The following CFAP61 variants were observed in gnomAD, a reference collection of about 807,000 sequenced individuals.
CFAP61 encodes cilia- and flagella-associated protein 61.
In CFAP61, 107 loss-of-function variants were observed where a neutral mutation model predicts 135.6. The observed-to-expected ratio is 0.79, with a 90% CI of 0.67 to 0.93. The LOEUF is 0.93. CFAP61 is among the 40% of genes least tolerant of loss of function. The probability of loss-of-function intolerance (pLI) is 0.00; values close to 1 mark genes in which losing one functional copy is unlikely to be tolerated. For missense variants in CFAP61, 1,507 were observed against 1,556.2 expected, an observed-to-expected ratio of 0.97 and a Z score of 0.53; for synonymous variants, 575 against 578.5, an observed-to-expected ratio of 0.99 and a Z score of 0.09.
chr20:20,310,643 T>A (rs535772651), intron 25 of CFAP61, among the ~76,000 whole-genome samples: 17 of 152,192 alleles, frequency 1.1e-4, no homozygotes, highest in Admixed American at 5.2e-4. Flanking sequence ...CCACGAAAAA[T>A]TCAGAAAATG....
At position 20,298,399 on chromosome 20, in the gene CFAP61, T is replaced by C. The variant is rs371874712; in HGVS notation, c.3422+13T>C. On this transcript the variant is annotated intron_variant, in intron 25 of 26. Transcript: ENST00000245957. ...CAGATCTCTATAGGTGAGTTGGACA[T>C]TGCATTTGACTACAGGGAAATACAA... is the stretch of plus-strand genomic sequence containing the variant. The C allele has an allele frequency of 6.5e-5, 104 of 1,604,108 alleles. No individual in the cohort carries two copies. Among genetic ancestry groups the C allele is most frequent in the Non-Finnish European group, 8.2e-5 (96 of 1,171,200 alleles).
intron 2 of CFAP61, among the ~76,000 whole-genome samples, chr20:20,058,240 T>TA (rs2146535629): frequency 6.6e-6 from 1 of 151,626 alleles, no homozygotes; most frequent in East Asian, 2.0e-4. Context: ...GCCTAAAAAA[T>TA]AGATATACCA....
Position 20,075,613 on chromosome 20 carries a change from C to G in CFAP61, c.564C>G (p.Ala188=). 1 of 1,614,054 alleles carries G rather than the reference C, an allele frequency of 6.2e-7. No homozygotes were observed. Among genetic ancestry groups the G allele is most frequent in the South Asian group, 1.1e-5 (1 of 91,076 alleles). ...SHYPQLHVRK[A]RVEDHDDLMP... is the part of the protein sequence containing the mutation. Reference sequence around the variant, plus strand: ...ATCCTCAGCTGCACGTTCGCAAAGCCAGGTACAGTTGGAGTCATGCCTTGT... The same window carrying G: ...ATCCTCAGCTGCACGTTCGCAAAGCGAGGTACAGTTGGAGTCATGCCTTGT... The change falls in exon 6 of 27, where the codon GCC becomes GCG. Residue 188 remains alanine, a splice_region_variant and synonymous_variant. Coordinates refer to ENST00000245957, the MANE Select transcript of CFAP61 (RefSeq NM_015585.4).
In CFAP61 at chr20:20,195,041, G is replaced by A. The variant is rs147282246; in HGVS notation, c.1591-1529G>A. ...CTTATCACTCATTTTATTTTATAAT[G>A]AGAGATGCCTCCTTGGTAATTAAAG... On this transcript the variant is annotated intron_variant, in intron 15 of 26. Coordinates refer to ENST00000245957, the MANE Select transcript of CFAP61 (RefSeq NM_015585.4). Among the ~76,000 whole-genome samples, 316 of 152,216 alleles carry A rather than the reference G, an allele frequency of 2.1e-3. 2 individuals carry two copies. Among genetic ancestry groups the A allele is most frequent in the African/African-American group, 7.2e-3 (300 of 41,522 alleles).
intron 23 of CFAP61, 42 bp downstream of exon 23, chr20:20,288,978 TAGGTATGGCTC>T: frequency 6.6e-7 from 1 of 1,523,018 alleles, no homozygotes; most frequent in Non-Finnish European, 9.0e-7. Context: ...AGCCACAGAT[TAGGTATGGCTC>T]AGCAGTCAGG....
At position 20,298,359 on chromosome 20, in the gene CFAP61, A is replaced by G; in HGVS notation, c.3395A>G (p.Asp1132Gly). 3 of 1,614,148 alleles carry G rather than the reference A, an allele frequency of 1.9e-6. No homozygotes were observed. Among genetic ancestry groups the G allele is most frequent in the Non-Finnish European group, 2.5e-6 (3 of 1,180,006 alleles). The change falls in exon 25 of 27, where the codon GAT becomes GGT. Residue 1132 changes from aspartate to glycine, a missense_variant. By Grantham distance (94) the Asp-to-Gly change is moderately conservative. Coordinates refer to ENST00000245957, the MANE Select transcript of CFAP61 (RefSeq NM_015585.4). The stretch of plus-strand genomic sequence containing the variant: ...CTCAACAACCTGTGTGCTCGGTACG[A>G]TGAAAACCTGATCACAGATCTCTAT... The part of the protein sequence containing the change: ...QLLNNLCARY[D>G]ENLITDLYSY...
chr20:20,331,249 C>G (rs2057980149), intron 25 of CFAP61, among the ~76,000 whole-genome samples: 1 of 152,092 alleles, frequency 6.6e-6, no homozygotes, highest in Non-Finnish European at 1.5e-5. Context: ...GATTCCTGCA[C>G]TCTTCTGTGG....
chr20:20,118,273 C>G (rs1373832250), intron 8 of CFAP61, among the ~76,000 whole-genome samples: 45 of 131,244 alleles, frequency 3.4e-4, no homozygotes, highest in African/African-American at 1.2e-3. Flanking sequence ...TTCTTTCTTT[C>G]TTTCTTTCTT....
At chr20:20,123,179 C>T (rs1003938358) in intron 8 of CFAP61, among the ~76,000 whole-genome samples, 1 of 151,330 alleles carries the variant, frequency 6.6e-6, no homozygotes, top group African/African-American at 2.4e-5. Flanking sequence ...AGTCCTTTGT[C>T]AGATGTACAG....
intron 12 of CFAP61, among the ~76,000 whole-genome samples, chr20:20,168,449 T>TAA (rs1342380770): frequency 6.6e-6 from 1 of 152,230 alleles, no homozygotes; most frequent in Non-Finnish European, 1.5e-5. Context: ...CTTTGAAATC[T>TAA]AATATATATT....
intron 9 of CFAP61, among the ~76,000 whole-genome samples, chr20:20,152,676 T>C (rs992072215): frequency 6.6e-6 from 1 of 151,316 alleles, no homozygotes; most frequent in African/African-American, 2.4e-5. Flanking sequence ...AATACCCCAA[T>C]CCTAAATATA....
chr20:20,169,541 A>G, intron 13 of CFAP61, 81 bp downstream of exon 13: 1 of 1,167,014 alleles, frequency 8.6e-7, no homozygotes, highest in Non-Finnish European at 1.1e-6. Context: ...TGCTATTATA[A>G]TTTAATAATT....
chr20:20,336,889 T>C (rs1211611034), intron 25 of CFAP61, among the ~76,000 whole-genome samples: 1 of 152,098 alleles, frequency 6.6e-6, no homozygotes, highest in Admixed American at 6.5e-5. Context: ...GCTCTGACAT[T>C]CTCCACCCCC....
intron 26 of CFAP61, among the ~76,000 whole-genome samples, chr20:20,355,068 T>TGGTCACACTGTGAGAGGGAAGGG (rs2059026782): frequency 1.1e-5 from 1 of 90,780 alleles, no homozygotes; most frequent in African/African-American, 4.5e-5. Flanking sequence ...AGAGGGAAGG[T>TGGTCACACTGTGAGAGGGAAGGG]GGTCACACTG....
intron 10 of CFAP61, among the ~76,000 whole-genome samples, chr20:20,162,253 C>T (rs1461763089): frequency 6.6e-6 from 1 of 152,152 alleles, no homozygotes; most frequent in Non-Finnish European, 1.5e-5. Context: ...AGGAGCATCT[C>T]CTCATCATAG....
At chr20:20,080,732 A>G (rs1015478203) in intron 6 of CFAP61, among the ~76,000 whole-genome samples, 18 of 152,208 alleles carry the variant, frequency 1.2e-4, no homozygotes, top group African/African-American at 4.1e-4. Flanking sequence ...GGCCGGGCAC[A>G]GTGGTTCACA....
chr20:20,336,746 G>A (rs1205593834), intron 25 of CFAP61, among the ~76,000 whole-genome samples: 1 of 152,174 alleles, frequency 6.6e-6, no homozygotes, highest in East Asian at 1.9e-4. Flanking sequence ...GTAGCCTAGG[G>A]ATGAAGCTGC....
chr20:20,162,351 T>TAGTACCTGTA (rs2146804622), intron 10 of CFAP61, among the ~76,000 whole-genome samples: 1 of 152,310 alleles, frequency 6.6e-6, no homozygotes, highest in South Asian at 2.1e-4. Flanking sequence ...CTGTAACATC[T>TAGTACCTGTA]TTGGGGACCA....
chr20:20,343,443 T>A (rs185121756), intron 26 of CFAP61, among the ~76,000 whole-genome samples: 1 of 152,186 alleles, frequency 6.6e-6, no homozygotes, highest in East Asian at 1.9e-4. Flanking sequence ...CTGAGGGAAG[T>A]GGAGGGCTGG....
Sources: gnomAD v4.1 joint callset for allele counts (sites outside exome capture counted in the v4.1 genomes callset) on GRCh38, gnomAD v4.1.1 for gene constraint, MANE v1.5 for transcripts, NCBI Gene and HGNC (gene_info 2026-07-23, HGNC 2026-07-21) for gene names.